Variants in CTNNA3 observed in about 807,000 individuals in gnomAD.
The protein encoded by CTNNA3 is catenin alpha-3.
CTNNA3 carries 76 observed loss-of-function variants against 95.7 expected under a neutral mutation model. That is an observed-to-expected ratio of 0.79 (90% CI 0.66 to 0.96). The LOEUF (loss-of-function observed/expected upper bound fraction) is 0.96, where lower values mean the gene tolerates loss of function less well. CTNNA3 is among the 40% of genes least tolerant of loss of function. CTNNA3 has a pLI of 0.00. For missense variants in CTNNA3, 1,191 were observed against 1,089.8 expected (o/e 1.09, Z -1.31); for synonymous variants, 431 against 374.4 (o/e 1.15, Z -1.74).
chr10:67,506,939 T>C (rs545073280), intron 5 of CTNNA3, among the ~76,000 whole-genome samples: 1 of 152,324 alleles, frequency 6.6e-6, no homozygotes, highest in South Asian at 2.1e-4. Flanking sequence ...AGCTAAAGTA[T>C]GACATTTTTA....
chr10:66,256,459 C>T (rs1283557944), intron 13 of CTNNA3, among the ~76,000 whole-genome samples: 3 of 152,164 alleles, frequency 2.0e-5, no homozygotes, highest in Admixed American at 6.5e-5. Context: ...GTGGCTCATG[C>T]CTGTAATCCC....
At chr10:66,658,682 C>A (rs544190376) in intron 9 of CTNNA3, among the ~76,000 whole-genome samples, 76 of 152,026 alleles carry the variant, frequency 5.0e-4, no homozygotes, top group Non-Finnish European at 7.8e-4. Flanking sequence ...TGCAGCCTGG[C>A]CTTCTCTCTC....
chr10:67,062,194 C>T (rs984893359), intron 7 of CTNNA3, among the ~76,000 whole-genome samples: 2 of 110,228 alleles, frequency 1.8e-5, no homozygotes, highest in Non-Finnish European at 3.8e-5. Context: ...AACGTTAAAA[C>T]CCACAGAGAG....
chr10:66,613,720 CTGTT>C (rs142619570), intron 10 of CTNNA3, among the ~76,000 whole-genome samples: 4,453 of 152,058 alleles, frequency 0.029, 213 homozygotes, highest in African/African-American at 0.1. Flanking sequence ...TATGACGCGA[CTGTT>C]TGTTTCCAAA....
intron 11 of CTNNA3, among the ~76,000 whole-genome samples, chr10:66,456,883 C>G (rs913907216): frequency 1.3e-5 from 2 of 152,060 alleles, no homozygotes; most frequent in African/African-American, 4.8e-5. Flanking sequence ...TGCTTGAGCC[C>G]AGAAGTTCAA....
chr10:67,096,987 T>A (rs1858029985), intron 7 of CTNNA3, among the ~76,000 whole-genome samples: 1 of 151,918 alleles, frequency 6.6e-6, no homozygotes, highest in Non-Finnish European at 1.5e-5. Context: ...GAATGGCTTG[T>A]CTAGATAATT....
At chr10:67,295,169 G>A (rs1380935257) in intron 5 of CTNNA3, among the ~76,000 whole-genome samples, 1 of 152,248 alleles carries the variant, frequency 6.6e-6, no homozygotes, top group Non-Finnish European at 1.5e-5. Context: ...GGGGCATAAC[G>A]TAGTAAGTGG....
At chr10:67,335,639 T>C (rs2132596973) in intron 5 of CTNNA3, among the ~76,000 whole-genome samples, 1 of 152,364 alleles carries the variant, frequency 6.6e-6, no homozygotes, top group Admixed American at 6.5e-5. Context: ...TTTATTTCAA[T>C]GTTTAATATT....
intron 5 of CTNNA3, among the ~76,000 whole-genome samples, chr10:67,423,693 T>C (rs1264965895): frequency 6.6e-6 from 1 of 152,108 alleles, no homozygotes; most frequent in African/African-American, 2.4e-5. Flanking sequence ...TAGTAATACA[T>C]GAGACAAAGT....
At chr10:66,008,469 C>G (rs1333681289) in intron 15 of CTNNA3, among the ~76,000 whole-genome samples, 1 of 152,156 alleles carries the variant, frequency 6.6e-6, no homozygotes, top group Non-Finnish European at 1.5e-5. Context: ...GAAAGGCGTC[C>G]CTCTTCACAT....
In CTNNA3 at chr10:65,914,051, C is replaced by T. The variant is rs888604196; in HGVS notation, c.*6279G>A. 6.6e-6 allele frequency: 1 copy of T among 152,146 alleles called. No homozygotes were observed. The highest frequency in any genetic ancestry group is 1.5e-5 in the Non-Finnish European group (1 of 68,026). The allele number at this position is 152,146 out of a possible 1,614,324, so 9.4% of individuals were successfully genotyped here. On this transcript the variant is annotated 3_prime_UTR_variant, in exon 18 of 18. Transcript: ENST00000433211. ...ACCAGAACTAAAAATAACCATCCTT[C>T]TTGAAAATGCCAAGGAAATAAACTT...
intron 11 of CTNNA3, among the ~76,000 whole-genome samples, chr10:66,438,036 C>A (rs767169759): frequency 2.0e-5 from 3 of 152,196 alleles, no homozygotes; most frequent in African/African-American, 7.2e-5. Context: ...GGCTGCAGAA[C>A]AGCAAAGAGT....
chr10:67,256,740 T>G (rs1866367785), intron 5 of CTNNA3, among the ~76,000 whole-genome samples: 1 of 152,060 alleles, frequency 6.6e-6, no homozygotes, highest in African/African-American at 2.4e-5. Context: ...ACATAAAATA[T>G]TCACCCTAAG....
At chr10:67,371,528 C>A (rs1843465061) in intron 5 of CTNNA3, among the ~76,000 whole-genome samples, 1 of 152,054 alleles carries the variant, frequency 6.6e-6, no homozygotes, top group Admixed American at 6.5e-5. Flanking sequence ...TAGTTTCCAG[C>A]ATCATCGATG....
intron 7 of CTNNA3, among the ~76,000 whole-genome samples, chr10:67,058,382 T>C (rs1855565026): frequency 6.6e-6 from 1 of 152,236 alleles, no homozygotes. Context: ...TTTATAATTC[T>C]TATTCTTTTT....
At chr10:67,571,402 C>A (rs1841971657) in intron 3 of CTNNA3, among the ~76,000 whole-genome samples, 1 of 152,034 alleles carries the variant, frequency 6.6e-6, no homozygotes, top group African/African-American at 2.4e-5. Flanking sequence ...GAGAATAATT[C>A]TCTAGTACAG....
chr10:66,173,422 G>C (rs916596759), intron 13 of CTNNA3, among the ~76,000 whole-genome samples: 1 of 152,076 alleles, frequency 6.6e-6, no homozygotes, highest in African/African-American at 2.4e-5. Context: ...TGGTAACAAA[G>C]AATATTGAGT....
chr10:67,503,269 T>A (rs1185239125), intron 5 of CTNNA3, among the ~76,000 whole-genome samples: 1 of 152,168 alleles, frequency 6.6e-6, no homozygotes, highest in African/African-American at 2.4e-5. Context: ...TGCCCCACCC[T>A]GCTTTGGCTC....
chr10:67,676,585 G>A (rs1840539084), intron 1 of CTNNA3, among the ~76,000 whole-genome samples: 1 of 152,132 alleles, frequency 6.6e-6, no homozygotes, highest in Non-Finnish European at 1.5e-5. Flanking sequence ...ACATGCCACA[G>A]AGAAAGAAAG....
Sources: allele counts gnomAD v4.1 joint callset (sites outside exome capture counted in the v4.1 genomes callset), GRCh38; gene constraint gnomAD v4.1.1; transcripts MANE v1.5; gene names NCBI Gene and HGNC (gene_info 2026-07-23, HGNC 2026-07-21).